Variants in LARGE1 observed in about 807,000 individuals in gnomAD.
LARGE1 encodes xylosyl- and glucuronyltransferase LARGE1.
In LARGE1, 43 loss-of-function variants were observed where a neutral mutation model predicts 87.6. The observed-to-expected ratio is 0.49, with a 90% CI of 0.38 to 0.63. LARGE1 has a LOEUF of 0.63. Among genes scored for constraint, LARGE1 ranks in the 30% least tolerant of loss-of-function variants. LARGE1 has a pLI of 0.00. For synonymous variants in LARGE1, 434 were observed against 394.6 expected, an observed-to-expected ratio of 1.10 and a Z score of -1.18; for missense variants, 802 against 1,000.2, an observed-to-expected ratio of 0.80 and a Z score of 2.67.
chr22:33,468,965 G>A (rs1170967458), intron 6 of LARGE1, among the ~76,000 whole-genome samples: 4 of 152,186 alleles, frequency 2.6e-5, no homozygotes, highest in East Asian at 1.9e-4. Context: ...CATACCTCGG[G>A]AGCTGCAAGT....
chr22:33,313,943 A>G (rs1477606890), intron 11 of LARGE1, among the ~76,000 whole-genome samples: 1 of 152,190 alleles, frequency 6.6e-6, no homozygotes, highest in African/African-American at 2.4e-5. Context: ...AACAACAGAA[A>G]ACGAATGGGG....
rs1288539652 is a variant in LARGE1 at position 33,643,131 on chromosome 22, G to A, written c.408+7236C>T. Among the ~76,000 whole-genome samples the A allele has an allele frequency of 2.6e-5, 4 of 151,880 alleles. No individual in the cohort carries two copies. The East Asian group carries it at 5.8e-4, about 22-fold the overall frequency. ...ACCATAAAGCACTTATTCTAAAATC[G>A]ACCACATAATTGGAAATAAAACACT... is the stretch of plus-strand genomic sequence containing the variant. On this transcript the variant is annotated intron_variant, in intron 3 of 14. Coordinates refer to ENST00000397394, the MANE Select transcript of LARGE1 (RefSeq NM_133642.5).
intron 11 of LARGE1, among the ~76,000 whole-genome samples, chr22:33,235,787 T>C (rs1187270086): frequency 1.3e-5 from 2 of 152,160 alleles, no homozygotes; most frequent in Non-Finnish European, 2.9e-5. Context: ...AGTATTCTAG[T>C]GGTCAAAGCA....
At chr22:33,183,917 C>G (rs1380640782) in intron 11 of LARGE1, among the ~76,000 whole-genome samples, 3 of 151,634 alleles carry the variant, frequency 2.0e-5, no homozygotes, top group Admixed American at 6.6e-5. Flanking sequence ...GAATTAAGTT[C>G]TGGGGATTGA....
At chr22:33,433,545 G>C (rs867032761) in intron 6 of LARGE1, among the ~76,000 whole-genome samples, 2 of 140,268 alleles carry the variant, frequency 1.4e-5, no homozygotes, top group Non-Finnish European at 3.0e-5. Context: ...GCAGTGAGCC[G>C]AGATCGCACC....
intron 9 of LARGE1, among the ~76,000 whole-genome samples, chr22:33,350,746 G>A (rs992216874): frequency 7.2e-5 from 11 of 152,108 alleles, no homozygotes; most frequent in African/African-American, 7.2e-5. Context: ...CCGCATCACC[G>A]CCCTTTGCAG....
intron 3 of LARGE1, among the ~76,000 whole-genome samples, chr22:33,647,635 A>G (rs1450166117): frequency 1.3e-5 from 2 of 152,220 alleles, no homozygotes; most frequent in African/African-American, 4.8e-5. Flanking sequence ...TGCTTAAGCC[A>G]GTGTTAGTTG....
intron 6 of LARGE1, among the ~76,000 whole-genome samples, chr22:33,496,711 A>C (rs2070139245): frequency 6.6e-6 from 1 of 152,176 alleles, no homozygotes; most frequent in African/African-American, 2.4e-5. Context: ...ACTTTGTACA[A>C]ATCTATGAAC....
chr22:33,103,199 C>T, the LARGE1 span, among the ~76,000 whole-genome samples: 11 of 151,822 alleles, frequency 7.2e-5, no homozygotes, highest in East Asian at 1.9e-4. Context: ...TTTGGGAGGC[C>T]GAGACGGGCG....
At chr22:33,581,754 G>A (rs1390747722) in intron 5 of LARGE1, among the ~76,000 whole-genome samples, 1 of 149,924 alleles carries the variant, frequency 6.7e-6, no homozygotes, top group Non-Finnish European at 1.5e-5. Context: ...AGAGGTTGCA[G>A]TGAGCCGAGA....
chr22:33,840,532 A>G (rs978822654), intron 1 of LARGE1, among the ~76,000 whole-genome samples: 1 of 152,190 alleles, frequency 6.6e-6, no homozygotes, highest in African/African-American at 2.4e-5. Context: ...AGGTTCTAGC[A>G]TCTTTTCTTG....
intron 1 of LARGE1, among the ~76,000 whole-genome samples, chr22:33,775,213 G>C (rs1320552939): frequency 2.0e-5 from 3 of 152,218 alleles, no homozygotes; most frequent in Admixed American, 6.5e-5. Flanking sequence ...AGCTGTAAGA[G>C]AGGCACTGGG....
the LARGE1 span, among the ~76,000 whole-genome samples, chr22:33,155,807 G>A: frequency 6.6e-6 from 1 of 152,142 alleles, no homozygotes; most frequent in South Asian, 2.1e-4. Context: ...CCCATCAAGG[G>A]CCAAAGGTTT....
chr22:33,553,731 G>T (rs1266486503), intron 6 of LARGE1, among the ~76,000 whole-genome samples: 1 of 152,138 alleles, frequency 6.6e-6, no homozygotes, highest in Non-Finnish European at 1.5e-5. Flanking sequence ...TGCAAAGATG[G>T]CAAGAGGATG....
At chr22:33,259,383 C>T (rs935144386) in intron 11 of LARGE1, among the ~76,000 whole-genome samples, 2 of 151,776 alleles carry the variant, frequency 1.3e-5, no homozygotes, top group African/African-American at 4.8e-5. Flanking sequence ...CACACATACA[C>T]ACACAGACAC....
rs150386874 is a variant in LARGE1 at position 33,628,195 on chromosome 22, A to T, written c.409-1869T>A. ...CATGACATTCCAGGCACTGTGCTTC[A>T]TATTACCAGATTTCAGGCTCAAAGT... On this transcript the variant is annotated intron_variant, in intron 3 of 14. Coordinates refer to ENST00000397394, the MANE Select transcript of LARGE1 (RefSeq NM_133642.5). Among the ~76,000 whole-genome samples, 221 of 152,304 alleles carry T rather than the reference A, an allele frequency of 1.5e-3. 1 individual carries two copies. The highest frequency in any genetic ancestry group is 5.1e-3 in the African/African-American group (214 of 41,570).
At chr22:33,626,806 C>T (rs1447364016) in intron 3 of LARGE1, among the ~76,000 whole-genome samples, 3 of 152,194 alleles carry the variant, frequency 2.0e-5, no homozygotes, top group Non-Finnish European at 4.4e-5. Flanking sequence ...GGAACACCTC[C>T]GCACCCCATC....
At chr22:33,594,642 T>A (rs893632476) in intron 5 of LARGE1, among the ~76,000 whole-genome samples, 1 of 152,246 alleles carries the variant, frequency 6.6e-6, no homozygotes, top group Non-Finnish European at 1.5e-5. Context: ...GTTTTGCTCT[T>A]GTCGCCCAGC....
In LARGE1 at chr22:33,438,625, C is replaced by T. The variant is rs2267208; in HGVS notation, c.788-6360G>A. Among the ~76,000 whole-genome samples the T allele has an allele frequency of 7.9e-5, 12 of 152,064 alleles. No homozygotes were observed. In the East Asian group the frequency reaches 2.3e-3, roughly 29 times the overall value. On this transcript the variant is annotated intron_variant, in intron 6 of 14. Transcript: ENST00000397394. ...CTTCTGCAGGTTTTGGCTCAAGGCC[C>T]GGCTCCTGCTGCTCGGGAGGTGAGA... is the stretch of plus-strand genomic sequence containing the variant.
Sources: allele counts gnomAD v4.1 joint callset (sites outside exome capture counted in the v4.1 genomes callset), GRCh38; gene constraint gnomAD v4.1.1; transcripts MANE v1.5; gene names NCBI Gene and HGNC (gene_info 2026-07-23, HGNC 2026-07-21).